Variants in CANX observed in about 807,000 individuals in gnomAD.
CANX encodes calnexin, also known as epididymis secretory sperm binding protein.
CANX carries 14 observed loss-of-function variants against 75.7 expected under a neutral mutation model. The ratio of observed to expected loss-of-function variants is 0.19; its 90% confidence interval spans 0.12 to 0.29. The LOEUF (loss-of-function observed/expected upper bound fraction) is 0.29. CANX is among the 10% of genes least tolerant of loss of function. The pLI, the probability that CANX is intolerant of heterozygous loss-of-function variation, is 1.00. For missense variants in CANX, 567 were observed against 713.2 expected (o/e 0.79, Z 2.34); for synonymous variants, 227 against 236.9 (o/e 0.96, Z 0.38).
intron 1 of CANX, among the ~76,000 whole-genome samples, chr5:179,692,974 A>G (rs1258811372): frequency 2.6e-5 from 4 of 151,834 alleles, no homozygotes; most frequent in African/African-American, 4.8e-5. Context: ...GTGAAACCCC[A>G]TCTCTACTAA....
chr5:179,710,611 G>T (rs1239955629), intron 7 of CANX, among the ~76,000 whole-genome samples: 4 of 148,198 alleles, frequency 2.7e-5, no homozygotes, highest in African/African-American at 9.9e-5. Context: ...GGGAGGCTGA[G>T]GCAGGAGAAT....
At chr5:179,700,447 A>G (rs1776661833) in intron 1 of CANX, 1 of 152,206 alleles carries the variant, frequency 6.6e-6, no homozygotes, top group African/African-American at 2.4e-5. Context: ...CAACTGTTGT[A>G]CATTTGGTAT....
At position 179,724,941 on chromosome 5, in the gene CANX, C is replaced by T. The variant is rs72809772; in HGVS notation, c.1645+158C>T. On this transcript the variant is annotated intron_variant, in intron 13 of 14. Coordinates refer to ENST00000247461, the MANE Select transcript of CANX (RefSeq NM_001746.4). ...TTGAAGCAGGAAAATCACTTGAGCC[C>T]AGGAGTTTAAGGCTGTAGTCAGCCA... is the stretch of plus-strand genomic sequence containing the variant. Among the ~76,000 whole-genome samples the T allele has an allele frequency of 9.6e-3, 1,465 of 152,162 alleles. 14 individuals are homozygous for T. The highest frequency in any genetic ancestry group is 0.015 in the Non-Finnish European group (988 of 67,984).
intron 1 of CANX, chr5:179,678,802 T>C (rs775793781): frequency 3.9e-6 from 6 of 1,537,046 alleles, no homozygotes; most frequent in Admixed American, 2.0e-5. Context: ...CCAGCAACAC[T>C]TGGCTTTTGG....
chr5:179,725,395 T>C (rs1385609021), intron 13 of CANX, among the ~76,000 whole-genome samples: 3 of 151,458 alleles, frequency 2.0e-5, no homozygotes, highest in Non-Finnish European at 4.4e-5. Context: ...TAAAAAAAAA[T>C]TGTTGGCCAG....
At chr5:179,697,253 G>C (rs995588312), upstream of CANX, among the ~76,000 whole-genome samples, 1 of 151,992 alleles carries the variant, frequency 6.6e-6, no homozygotes, top group South Asian at 2.1e-4. Flanking sequence ...TGTAGAGACA[G>C]GGGTCTCACT....
At chr5:179,715,862 G>A in intron 7 of CANX, 2 of 534,668 alleles carry the variant, frequency 3.7e-6, no homozygotes, top group South Asian at 1.7e-5. Flanking sequence ...AGTCTTTGGT[G>A]TTAAAGATTT....
At chr5:179,715,998 C>G (rs1562495926) in intron 7 of CANX, 107 bp from the exon 8 acceptor site, 3 of 839,762 alleles carry the variant, frequency 3.6e-6, no homozygotes, top group Non-Finnish European at 6.1e-6. Context: ...CCCAAAGCCT[C>G]AGGTCAGACT....
intron 1 of CANX, chr5:179,679,346 C>G: frequency 8.2e-7 from 1 of 1,216,920 alleles, no homozygotes; most frequent in Non-Finnish European, 1.1e-6. Flanking sequence ...CATGTCTTAG[C>G]CCTGCAGCTA....
Position 179,726,349 on chromosome 5 carries a change from A to G in CANX, c.1646-331A>G, listed in dbSNP as rs562305986. 3.6e-4 allele frequency among the ~76,000 whole-genome samples: 55 copies of G among 152,038 alleles called. No homozygotes were observed. In the East Asian group the frequency reaches 5.8e-3, roughly 16 times the overall value. ...ATCCCAGCACTTTGGGAGGCCACCG[A>G]GGAGATCATGAGGTCAGGAGATCGA... On this transcript the variant is annotated intron_variant, in intron 13 of 14. Coordinates refer to ENST00000247461, the MANE Select transcript of CANX (RefSeq NM_001746.4).
At chr5:179,681,077 ACT>A in intron 1 of CANX, 1 of 641,304 alleles carries the variant, frequency 1.6e-6, no homozygotes. Context: ...ACCTGCTATG[ACT>A]CACAATGCCT....
upstream of CANX, chr5:179,698,788 C>A: frequency 1.5e-6 from 1 of 667,048 alleles, no homozygotes; most frequent in Non-Finnish European, 2.2e-6. Flanking sequence ...CCAATCTTCA[C>A]ACTCCACGAA....
chr5:179,699,836 G>A (rs565406621), intron 1 of CANX: 1 of 152,372 alleles, frequency 6.6e-6, no homozygotes, highest in South Asian at 2.1e-4. Context: ...ATAGTTCAGG[G>A]ATAGACCGTG....
chr5:179,680,245 A>G (rs969667813), intron 1 of CANX, among the ~76,000 whole-genome samples: 2 of 152,042 alleles, frequency 1.3e-5, no homozygotes, highest in African/African-American at 4.8e-5. Flanking sequence ...GGAAGCTTAG[A>G]CTTCCTTTTG....
chr5:179,703,673 G>A (rs910947931), intron 1 of CANX, among the ~76,000 whole-genome samples: 3 of 151,508 alleles, frequency 2.0e-5, no homozygotes, highest in Admixed American at 6.6e-5. Context: ...ACAGGGTCAG[G>A]CTATGTTTAT....
At chr5:179,686,400 C>CTT (rs879458030) in intron 1 of CANX, among the ~76,000 whole-genome samples, 3 of 140,720 alleles carry the variant, frequency 2.1e-5, no homozygotes, top group Non-Finnish European at 3.1e-5. Context: ...GCCCGGCCAT[C>CTT]TTTTTTTTTT....
At chr5:179,686,100 G>GTTTTTTTTTTTT (rs1562434745) in intron 1 of CANX, among the ~76,000 whole-genome samples, 4 of 101,158 alleles carry the variant, frequency 4.0e-5, no homozygotes, top group East Asian at 3.2e-4. Flanking sequence ...GGTTGTTCAA[G>GTTTTTTTTTTTT]TCTTTTTTTT....
chr5:179,727,325 G>A (rs962138290), intron 14 of CANX, among the ~76,000 whole-genome samples: 9 of 152,176 alleles, frequency 5.9e-5, no homozygotes, highest in African/African-American at 2.2e-4. Context: ...AGTAAGAAAC[G>A]ATGAATAATT....
chr5:179,708,211 A>G (rs895110851), intron 4 of CANX, 28 bp from the exon 5 acceptor site: 3 of 1,606,988 alleles, frequency 1.9e-6, no homozygotes, highest in Admixed American at 3.3e-5. Flanking sequence ...AGAGTTAAGC[A>G]GTGGAACTTT....
Sources: gnomAD v4.1 joint callset for allele counts (sites outside exome capture counted in the v4.1 genomes callset) on GRCh38, gnomAD v4.1.1 for gene constraint, MANE v1.5 for transcripts, NCBI Gene and HGNC (gene_info 2026-07-23, HGNC 2026-07-21) for gene names.